The following FGF14 variants were observed in gnomAD, a reference collection of about 807,000 sequenced individuals.
The protein encoded by FGF14 is fibroblast growth factor homologous factor 4.
A neutral mutation model predicts 25.5 loss-of-function variants in FGF14; 5 were observed. The ratio of observed to expected loss-of-function variants is 0.20; its 90% CI spans 0.10 to 0.41. The LOEUF is 0.41. Among genes scored for constraint, FGF14 ranks in the 10% least tolerant of loss-of-function variants. The pLI, the probability that FGF14 is intolerant of heterozygous loss-of-function variation, is 1.00. For synonymous variants in FGF14, 138 were observed against 118.3 expected, an observed-to-expected ratio of 1.17 and a Z score of -1.08; for missense variants, 222 against 320.1, an observed-to-expected ratio of 0.69 and a Z score of 2.34.
chr13:102,228,101 G>A (rs1024419689), intron 1 of FGF14, among the ~76,000 whole-genome samples: 4 of 152,070 alleles, frequency 2.6e-5, no homozygotes, highest in South Asian at 2.1e-4. Context: ...ATGGCAAAAC[G>A]GAAACATGCT....
At chr13:102,212,422 C>A (rs1223476478) in intron 1 of FGF14, among the ~76,000 whole-genome samples, 4 of 152,208 alleles carry the variant, frequency 2.6e-5, no homozygotes, top group East Asian at 1.9e-4. Flanking sequence ...TCCCCCTGAC[C>A]TCCACCCTTC....
At chr13:102,035,170 G>A (rs752325351) in intron 1 of FGF14, among the ~76,000 whole-genome samples, 3 of 152,064 alleles carry the variant, frequency 2.0e-5, no homozygotes, top group Non-Finnish European at 4.4e-5. Flanking sequence ...CTCAGTATAG[G>A]AGCCTGTTAA....
chr13:102,398,085 A>G (rs1267597353), intron 1 of FGF14, among the ~76,000 whole-genome samples: 1 of 150,698 alleles, frequency 6.6e-6, no homozygotes, highest in Non-Finnish European at 1.5e-5. Flanking sequence ...GGGTGTTTTA[A>G]TGAAGATAGC....
rs2042865147 is a variant in FGF14 at position 102,065,491 on chromosome 13, G to T, written c.209-190195C>A. ...AGAGTTATGAAAATTGATTCCAGAAGTATAAGGAAGATAACAGAAAATAAC... is the reference window on the plus strand; with the variant it reads ...AGAGTTATGAAAATTGATTCCAGAATTATAAGGAAGATAACAGAAAATAAC... On this transcript the variant is annotated intron_variant, in intron 1 of 4. Transcript: ENST00000376131. Among the ~76,000 whole-genome samples the T allele has an allele frequency of 1.3e-5, 2 of 152,030 alleles. 1 individual carries two copies. Among genetic ancestry groups the T allele is most frequent in the South Asian group, 4.1e-4 (2 of 4,826 alleles).
chr13:102,251,381 T>A (rs538615228), intron 1 of FGF14, among the ~76,000 whole-genome samples: 3 of 152,324 alleles, frequency 2.0e-5, no homozygotes, highest in African/African-American at 7.2e-5. Context: ...TCTAAGCCTC[T>A]GGACTTTGTA....
chr13:102,262,862 A>G (rs1233936073), intron 1 of FGF14, among the ~76,000 whole-genome samples: 1 of 152,204 alleles, frequency 6.6e-6, no homozygotes, highest in East Asian at 1.9e-4. Context: ...GGTCTCACGT[A>G]TTTATTACTG....
intron 1 of FGF14, among the ~76,000 whole-genome samples, chr13:102,164,408 G>A (rs999637007): frequency 2.6e-5 from 4 of 152,072 alleles, no homozygotes; most frequent in Admixed American, 2.0e-4. Context: ...TAGAGACCTT[G>A]CGACCATGCC....
chr13:102,288,418 T>C (rs558998424), intron 1 of FGF14, among the ~76,000 whole-genome samples: 1 of 152,276 alleles, frequency 6.6e-6, no homozygotes, highest in South Asian at 2.1e-4. Flanking sequence ...AAACAAGTAC[T>C]TTGACTCTCT....
At chr13:102,080,754 A>G (rs1158971600) in intron 1 of FGF14, among the ~76,000 whole-genome samples, 2 of 152,376 alleles carry the variant, frequency 1.3e-5, no homozygotes, top group East Asian at 3.9e-4. Context: ...GCTGGGCTCC[A>G]GAAGAGTTCA....
intron 1 of FGF14, among the ~76,000 whole-genome samples, chr13:101,996,567 T>C (rs2139702741): frequency 6.6e-6 from 1 of 152,222 alleles, no homozygotes; most frequent in South Asian, 2.1e-4. Flanking sequence ...AAAATATAAC[T>C]TGGGTTTTGG....
At chr13:101,935,841 G>A (rs2035064734) in intron 1 of FGF14, among the ~76,000 whole-genome samples, 1 of 152,134 alleles carries the variant, frequency 6.6e-6, no homozygotes, top group South Asian at 2.1e-4. Flanking sequence ...GAGCTTCTAA[G>A]TTGTCATCTA....
chr13:102,099,589 G>C (rs1161390895), intron 1 of FGF14, among the ~76,000 whole-genome samples: 2 of 151,768 alleles, frequency 1.3e-5, no homozygotes, highest in Admixed American at 1.3e-4. Flanking sequence ...TTCAAAAAAG[G>C]CTCAAAGTCA....
chr13:101,981,391 C>T (rs1242075980), intron 1 of FGF14, among the ~76,000 whole-genome samples: 1 of 152,140 alleles, frequency 6.6e-6, no homozygotes, highest in African/African-American at 2.4e-5. Context: ...TCACCAAATA[C>T]CAAATCTGCC....
At chr13:101,723,079 G>A (rs1301549829) in intron 4 of FGF14, 112 bp from the exon 5 acceptor site, 1 of 1,267,462 alleles carries the variant, frequency 7.9e-7, no homozygotes, top group African/African-American at 1.5e-5. Flanking sequence ...TGTTTTCCCT[G>A]AAGTAAAGCA....
intron 1 of FGF14, among the ~76,000 whole-genome samples, chr13:101,924,771 C>T (rs867247082): frequency 1.3e-5 from 2 of 152,146 alleles, no homozygotes; most frequent in Non-Finnish European, 2.9e-5. Flanking sequence ...CAAAGTTACA[C>T]AGCTATGAAG....
intron 1 of FGF14, among the ~76,000 whole-genome samples, chr13:102,012,808 T>A (rs2040149252): frequency 6.6e-6 from 1 of 152,104 alleles, no homozygotes; most frequent in Non-Finnish European, 1.5e-5. Flanking sequence ...AGCCTTTCCA[T>A]CCATGCCCAG....
At chr13:102,297,183 T>C (rs927678723) in intron 1 of FGF14, among the ~76,000 whole-genome samples, 1 of 152,118 alleles carries the variant, frequency 6.6e-6, no homozygotes, top group Non-Finnish European at 1.5e-5. Flanking sequence ...CATAATACTC[T>C]TCTAAACATG....
chr13:102,036,722 G>C (rs768227614), intron 1 of FGF14, among the ~76,000 whole-genome samples: 44 of 152,016 alleles, frequency 2.9e-4, no homozygotes, highest in Admixed American at 2.0e-3. Context: ...AGAAAAAGAA[G>C]AACAACAACA....
intron 1 of FGF14, among the ~76,000 whole-genome samples, chr13:102,279,399 A>G (rs1365520398): frequency 6.6e-6 from 1 of 152,194 alleles, no homozygotes; most frequent in Non-Finnish European, 1.5e-5. Context: ...AACTAACACT[A>G]CAACTAGCAA....
Sources: allele counts gnomAD v4.1 joint callset (sites outside exome capture counted in the v4.1 genomes callset), GRCh38; gene constraint gnomAD v4.1.1; transcripts MANE v1.5; gene names NCBI Gene and HGNC (gene_info 2026-07-23, HGNC 2026-07-21).